Variants in FZR1 observed in about 807,000 individuals in gnomAD.
FZR1 encodes the protein fizzy and cell division cycle 20 related 1.
In FZR1, 11 loss-of-function variants were observed where a neutral mutation model predicts 63.6. The ratio of observed to expected loss-of-function variants is 0.17; its 90% CI spans 0.11 to 0.29. The LOEUF is 0.29. Among genes scored for constraint, FZR1 ranks in the 10% least tolerant of loss-of-function variants. The probability of loss-of-function intolerance (pLI) is 1.00; values close to 1 mark genes in which losing one functional copy is unlikely to be tolerated. For synonymous variants in FZR1, 328 were observed against 297.9 expected (o/e 1.10, Z -1.04); for missense variants, 440 against 687.5 (o/e 0.64, Z 4.03).
chr19:3,522,787 G>C (rs2121944327), intron 1 of FZR1, among the ~76,000 whole-genome samples, 169 bp from the exon 2 acceptor site: 1 of 152,244 alleles, frequency 6.6e-6, no homozygotes, highest in Non-Finnish European at 1.5e-5. Flanking sequence ...GGCCCAGGTT[G>C]GGGGAGCCTC....
Position 3,532,522 on chromosome 19 carries a change from G to A in FZR1, c.1114G>A (p.Ala372Thr), listed in dbSNP as rs972485489. 6.8e-6 allele frequency: 11 copies of A among 1,611,662 alleles called. No individual in the cohort carries two copies. Among genetic ancestry groups the A allele is most frequent in the Non-Finnish European group, 9.3e-6 (11 of 1,179,180 alleles). Reference protein sequence around the residue: ...AWSPHQHGLLASGGGTADRCI... With the variant: ...AWSPHQHGLLTSGGGTADRCI... Reference sequence around the variant, plus strand: ...GTCCCCACATCAGCACGGGCTGCTGGCCTCGGGGGGCGGCACAGCTGACCG... The same window carrying A: ...GTCCCCACATCAGCACGGGCTGCTGACCTCGGGGGGCGGCACAGCTGACCG... Residue 372 changes from alanine to threonine, a missense_variant, in exon 11 of 14, where the codon GCC (alanine) becomes ACC (threonine). Transcript: ENST00000441788.
In FZR1 at chr19:3,515,635, C is replaced by T. The variant is rs887320889; in HGVS notation, c.-34-7321C>T. Reference sequence around the variant, plus strand: ...TACAAAAAATTAGGCACTACAGTGGCGGGCCCCTGTAGTCCCAGCTACTCG... The same window carrying T: ...TACAAAAAATTAGGCACTACAGTGGTGGGCCCCTGTAGTCCCAGCTACTCG... On this transcript the variant is annotated intron_variant, in intron 1 of 13. Transcript: ENST00000441788. This position sits in a 1 kb window ranked among gnomAD's most constrained non-coding sequence, Gnocchi z 4.6. Among the ~76,000 whole-genome samples the T allele has an allele frequency of 1.3e-5, 2 of 151,822 alleles. No homozygotes were observed. Among genetic ancestry groups the T allele is most frequent in the African/African-American group, 4.8e-5 (2 of 41,310 alleles).
At chr19:3,507,711 C>G (rs559353174) in intron 1 of FZR1, among the ~76,000 whole-genome samples, 2 of 152,334 alleles carry the variant, frequency 1.3e-5, no homozygotes, top group South Asian at 4.1e-4. Context: ...GGAGTGGTCT[C>G]TCTCGGGGTG....
chr19:3,506,750 C>A (rs2082986538), intron 1 of FZR1, among the ~76,000 whole-genome samples: 1 of 152,054 alleles, frequency 6.6e-6, no homozygotes, highest in Non-Finnish European at 1.5e-5. Flanking sequence ...TAAGTCGTGA[C>A]CTCCCCGCAG....
intron 7 of FZR1, among the ~76,000 whole-genome samples, chr19:3,530,399 G>GGGAGAGCGC (rs2083232286): frequency 7.8e-6 from 1 of 128,292 alleles, no homozygotes; most frequent in South Asian, 3.0e-4. Flanking sequence ...TGGGTGAGCG[G>GGGAGAGCGC]ATGGGAGAGC....
chr19:3,509,521 G>T (rs765531945), intron 1 of FZR1, among the ~76,000 whole-genome samples: 1 of 152,156 alleles, frequency 6.6e-6, no homozygotes, highest in Admixed American at 6.6e-5. Flanking sequence ...GCTTTAGAGC[G>T]TGCAGTTCCC....
At chr19:3,518,011 C>CTT (rs1220242480) in intron 1 of FZR1, among the ~76,000 whole-genome samples, 72 of 109,474 alleles carry the variant, frequency 6.6e-4, no homozygotes, top group Admixed American at 9.1e-4. Flanking sequence ...CTGTTTCTTT[C>CTT]TTTTTTTTTT....
Position 3,526,470 on chromosome 19 carries a change from T to C in FZR1, c.387+84T>C. On this transcript the variant is annotated intron_variant, in intron 5 of 13. Coordinates refer to ENST00000441788, the MANE Select transcript of FZR1 (RefSeq NM_016263.4). This position sits in a 1 kb window ranked among gnomAD's most constrained non-coding sequence, Gnocchi z 5.4. The stretch of plus-strand genomic sequence containing the variant: ...CCACCTCCCAGGCACCAGCTCTGCC[T>C]CCCCGAGCCCGGTTCTCGGGCCCAG... 1 of 1,165,612 alleles carries C rather than the reference T, an allele frequency of 8.6e-7. No homozygotes were observed. Among genetic ancestry groups the C allele is most frequent in the Non-Finnish European group, 1.2e-6 (1 of 824,256 alleles). The allele number at this position is 1,165,612 out of a possible 1,614,324, so 72.2% of individuals were successfully genotyped here. A position where few individuals can be genotyped will look rare whatever the true frequency, so the allele number is the denominator to read the frequency against.
intron 7 of FZR1, among the ~76,000 whole-genome samples, chr19:3,530,079 CGGATGGGAGAGT>C (rs2083224654): frequency 9.8e-6 from 1 of 101,886 alleles, no homozygotes. Context: ...GATGGGAGAG[CGGATGGGAGAGT>C]GGATGAGAGT....
intron 1 of FZR1, among the ~76,000 whole-genome samples, chr19:3,518,011 CT>C (rs1220242480): frequency 0.07 from 7,711 of 109,522 alleles, 559 homozygotes; most frequent in African/African-American, 0.26. Flanking sequence ...CTGTTTCTTT[CT>C]TTTTTTTTTT....
Position 3,532,080 on chromosome 19 carries a change from G to C in FZR1, c.993G>C (p.Gly331=). 6.6e-7 allele frequency: 1 copy of C among 1,514,224 alleles called. No homozygotes were observed. The highest frequency in any genetic ancestry group is 8.8e-7 in the Non-Finnish European group (1 of 1,132,694). 93.8% of individuals were successfully genotyped at this position (1,514,224 alleles called of 1,614,324 possible). The change falls in exon 10 of 14, where the codon GGG becomes GGC. Residue 331 remains glycine, a synonymous_variant. Transcript: ENST00000441788. ...WSTDHQLLAS[G]GNDNKLLVWN... ...CAGACCACCAGCTCCTCGCCTCGGG[G>C]GGCAACGACAACAAGGTACCCCCGC...
rs1568242112 is a variant in FZR1, at chr19:3,534,923, G to A, written c.*87G>A. 10 of 1,125,140 alleles carry A rather than the reference G, an allele frequency of 8.9e-6. No homozygotes were observed. Among genetic ancestry groups the A allele is most frequent in the South Asian group, 8.6e-5 (7 of 81,120 alleles). 69.7% of individuals were successfully genotyped at this position (1,125,140 alleles called of 1,614,324 possible). On this transcript the variant is annotated 3_prime_UTR_variant, in exon 14 of 14. Coordinates refer to ENST00000441788, the MANE Select transcript of FZR1 (RefSeq NM_016263.4). ...CTTGCATGGACTCTGCCTTCCCAGC[G>A]CTTGTCCCCCGAGGAAGGCGGCTGG...
rs201220406 is a variant in FZR1, at chr19:3,530,440, G to A, written c.655-352G>A. ...GGAGAGCGCATGGGAGAGCGGATGG[G>A]AGAGCGCATGGGAGAGCGCATGGAT... is the stretch of plus-strand genomic sequence containing the variant. On this transcript the variant is annotated intron_variant, in intron 7 of 13. Transcript: ENST00000441788. 2.3e-4 allele frequency among the ~76,000 whole-genome samples: 20 copies of A among 87,352 alleles called. 1 individual carries two copies. The East Asian group carries it at 5.9e-3, about 26-fold the overall frequency. 57.3% of individuals were successfully genotyped at this position (87,352 alleles called of 152,430 possible). A position where few individuals can be genotyped will look rare whatever the true frequency, so the allele number is the denominator to read the frequency against.
intron 13 of FZR1, 117 bp downstream of exon 13, chr19:3,534,630 C>A: frequency 2.2e-6 from 2 of 905,302 alleles, no homozygotes; most frequent in South Asian, 2.9e-5. Flanking sequence ...CCGAGCTTCC[C>A]TCACCTCAAA....
intron 1 of FZR1, among the ~76,000 whole-genome samples, chr19:3,520,231 C>T (rs1008803013): frequency 3.9e-5 from 6 of 152,162 alleles, no homozygotes; most frequent in Admixed American, 3.9e-4. Context: ...CAGCTGTGCC[C>T]TGTGGAGAAC....
At position 3,526,490 on chromosome 19, in the gene FZR1, GC is replaced by G; in HGVS notation, c.387+107del. Reference sequence around the variant, plus strand: ...CTGCCTCCCCGAGCCCGGTTCTCGGGCCCAGCCACGGCTCAGCACCCCCGCC... The same window carrying G: ...CTGCCTCCCCGAGCCCGGTTCTCGGGCCAGCCACGGCTCAGCACCCCCGCC... On this transcript the variant is annotated intron_variant, in intron 5 of 13. Transcript: ENST00000441788. This position sits in a 1 kb window ranked among gnomAD's most constrained non-coding sequence, Gnocchi z 5.4. The G allele has an allele frequency of 1.1e-6, 1 of 923,952 alleles. No homozygotes were observed. Among genetic ancestry groups the G allele is most frequent in the Non-Finnish European group, 1.6e-6 (1 of 609,042 alleles). 57.2% of individuals were successfully genotyped at this position (923,952 alleles called of 1,614,324 possible).
intron 6 of FZR1, 21 bp downstream of exon 6, chr19:3,527,083 C>T: frequency 2.0e-6 from 3 of 1,533,554 alleles, no homozygotes; most frequent in Non-Finnish European, 2.7e-6. Context: ...GCTTCCTCCG[C>T]AGCCCTCCCT....
intron 12 of FZR1, 173 bp from the exon 13 acceptor site, chr19:3,534,248 G>T: frequency 5.0e-6 from 2 of 402,890 alleles, no homozygotes; most frequent in South Asian, 5.0e-5. Context: ...AAAAAAAAAA[G>T]GCTCCAACCT....
rs368454419 is a variant in FZR1 at position 3,534,841 on chromosome 19, G to A, written c.*5G>A. ...CTCTTCACCAGGATCCGGTAAACCT[G>A]CCGGGCAGGACCGTGCCACACCAGC... On this transcript the variant is annotated 3_prime_UTR_variant, in exon 14 of 14. Transcript: ENST00000441788. 1.4e-5 allele frequency: 23 copies of A among 1,611,138 alleles called. No homozygotes were observed. In the African/African-American group the frequency reaches 2.8e-4, roughly 20 times the overall value.
Sources: allele counts gnomAD v4.1 joint callset (sites outside exome capture counted in the v4.1 genomes callset), GRCh38; gene constraint gnomAD v4.1.1; non-coding constraint Gnocchi (gnomAD v3.1); transcripts MANE v1.5; gene names NCBI Gene and HGNC (gene_info 2026-07-23, HGNC 2026-07-21).